The following RIT2 variants were observed in gnomAD, a reference collection of about 807,000 sequenced individuals.
RIT2 encodes the protein Ras like without CAAX 2, also known as GTP-binding protein Rit2.
A neutral mutation model predicts 23.7 loss-of-function variants in RIT2; 24 were observed. That is an observed-to-expected ratio of 1.01 (90% CI 0.73 to 1.43). RIT2 has a LOEUF of 1.43. Ranked by LOEUF, RIT2 falls within the 40% of genes most tolerant of loss-of-function variation. The pLI is 0.00. For missense variants in RIT2, 236 were observed against 266.9 expected (o/e 0.88, Z 0.81); for synonymous variants, 107 against 91.1 (o/e 1.17, Z -0.99).
At chr18:42,992,322 TAGA>T (rs1051327454) in intron 2 of RIT2, among the ~76,000 whole-genome samples, 6 of 152,182 alleles carry the variant, frequency 3.9e-5, no homozygotes, top group African/African-American at 1.2e-4. Flanking sequence ...TTTTCCATCC[TAGA>T]AGATCTAAAT....
intron 4 of RIT2, among the ~76,000 whole-genome samples, chr18:42,832,379 G>A (rs16977029): frequency 6.6e-6 from 1 of 152,054 alleles, no homozygotes; most frequent in Admixed American, 6.5e-5. Flanking sequence ...AACTTATATA[G>A]GCCAGTCACT....
chr18:42,822,008 G>T (rs1333818515), intron 4 of RIT2, among the ~76,000 whole-genome samples: 18 of 152,126 alleles, frequency 1.2e-4, no homozygotes, highest in Admixed American at 1.2e-3. Context: ...GAAAAGACCT[G>T]ATATAGGATC....
At chr18:43,111,654 T>C (rs1372693395) in intron 1 of RIT2, among the ~76,000 whole-genome samples, 7 of 152,194 alleles carry the variant, frequency 4.6e-5, no homozygotes, top group African/African-American at 7.2e-5. Context: ...TAAAATATTA[T>C]TACCTCTAGT....
intron 4 of RIT2, among the ~76,000 whole-genome samples, chr18:42,772,921 G>C (rs974258701): frequency 7.9e-5 from 12 of 152,198 alleles, no homozygotes; most frequent in African/African-American, 2.9e-4. Context: ...TGAGACCTTG[G>C]GAGAACCATG....
intron 4 of RIT2, among the ~76,000 whole-genome samples, chr18:42,834,670 A>T (rs2144014579): frequency 6.6e-6 from 1 of 152,320 alleles, no homozygotes; most frequent in African/African-American, 2.4e-5. Flanking sequence ...TAGTTAGGGA[A>T]ATGAATTAGA....
chr18:42,802,389 A>G (rs1905563820), intron 4 of RIT2, among the ~76,000 whole-genome samples: 1 of 152,204 alleles, frequency 6.6e-6, no homozygotes, highest in African/African-American at 2.4e-5. Flanking sequence ...TAAAAATAAG[A>G]AAGTCAGAAA....
At chr18:42,936,692 A>T (rs1909467818) in intron 3 of RIT2, among the ~76,000 whole-genome samples, 1 of 152,188 alleles carries the variant, frequency 6.6e-6, no homozygotes, top group Admixed American at 6.5e-5. Context: ...CCGCCTTCAT[A>T]TCACGGTGAG....
intron 4 of RIT2, among the ~76,000 whole-genome samples, chr18:42,908,626 A>G (rs529208808): frequency 6.6e-6 from 1 of 152,138 alleles, no homozygotes; most frequent in African/African-American, 2.4e-5. Flanking sequence ...AGAGGAAGTG[A>G]TATCAGTTTT....
chr18:42,756,329 C>T (rs985124065), intron 4 of RIT2, among the ~76,000 whole-genome samples: 2 of 151,990 alleles, frequency 1.3e-5, no homozygotes, highest in African/African-American at 4.8e-5. Context: ...ATGGTGTAGC[C>T]AGTCGTTCTG....
intron 4 of RIT2, among the ~76,000 whole-genome samples, chr18:42,879,122 A>G (rs1047519792): frequency 6.6e-6 from 1 of 152,120 alleles, no homozygotes; most frequent in African/African-American, 2.4e-5. Context: ...TCTACTAGAA[A>G]CTTCTGACTG....
At chr18:42,850,270 G>A (rs1268062683) in intron 4 of RIT2, among the ~76,000 whole-genome samples, 1 of 152,110 alleles carries the variant, frequency 6.6e-6, no homozygotes, top group African/African-American at 2.4e-5. Context: ...GTTAACAACT[G>A]GACAGAAAAT....
chr18:42,809,895 A>G (rs1356299647), intron 4 of RIT2, among the ~76,000 whole-genome samples: 2 of 143,422 alleles, frequency 1.4e-5, no homozygotes, highest in Non-Finnish European at 3.0e-5. Flanking sequence ...TATGTTATAT[A>G]TATTATATAT....
At chr18:42,890,347 C>A (rs943245058) in intron 4 of RIT2, among the ~76,000 whole-genome samples, 1 of 152,030 alleles carries the variant, frequency 6.6e-6, no homozygotes. Flanking sequence ...ATATACCCAA[C>A]AATGAGAATT....
rs1018514466 is a variant in RIT2, at chr18:42,754,978, T to A, written c.427-11258A>T. ...AGGATCTAAATCCTGGCTACACCAC[T>A]TTTTAGCCATGAATTCTCAGGGAGT... On this transcript the variant is annotated intron_variant, in intron 4 of 4. Transcript: ENST00000326695. 2.0e-5 allele frequency among the ~76,000 whole-genome samples: 3 copies of A among 152,296 alleles called. No individual in the cohort carries two copies. In the East Asian group the frequency reaches 5.8e-4, roughly 29 times the overall value.
chr18:42,928,547 G>A (rs1189334828), intron 3 of RIT2, among the ~76,000 whole-genome samples: 1 of 151,954 alleles, frequency 6.6e-6, no homozygotes, highest in African/African-American at 2.4e-5. Flanking sequence ...AGTTTTTGGA[G>A]GGTGGCATAG....
intron 4 of RIT2, among the ~76,000 whole-genome samples, chr18:42,779,719 C>G (rs919655638): frequency 2.0e-5 from 3 of 152,026 alleles, no homozygotes; most frequent in African/African-American, 7.2e-5. Context: ...CTGAAAAAGT[C>G]AAGAGAATAG....
chr18:42,934,098 AT>A (rs1185940632), intron 3 of RIT2, among the ~76,000 whole-genome samples: 1 of 151,384 alleles, frequency 6.6e-6, no homozygotes, highest in Non-Finnish European at 1.5e-5. Flanking sequence ...GTATGTCTTT[AT>A]TAGCAGCATG....
At position 42,997,591 on chromosome 18, in the gene RIT2, G is replaced by A. The variant is rs367581763; in HGVS notation, c.161-23444C>T. On this transcript the variant is annotated intron_variant, in intron 2 of 4. Transcript: ENST00000326695. ...AGACACAGCTAATGATGCTAATCTC[G>A]TATCCCATATGTGTTGTCACAGATT... Among the ~76,000 whole-genome samples, 48 of 151,850 alleles carry A rather than the reference G, an allele frequency of 3.2e-4. No individual in the cohort carries two copies. The South Asian group carries it at 4.8e-3, about 15-fold the overall frequency.
intron 1 of RIT2, among the ~76,000 whole-genome samples, chr18:43,107,544 G>A (rs148424173): frequency 2.6e-5 from 4 of 152,068 alleles, no homozygotes; most frequent in Non-Finnish European, 5.9e-5. Context: ...TTCAAAAATC[G>A]GTATGGTTTA....
Sources: allele counts gnomAD v4.1 joint callset (sites outside exome capture counted in the v4.1 genomes callset), GRCh38; gene constraint gnomAD v4.1.1; transcripts MANE v1.5; gene names NCBI Gene and HGNC (gene_info 2026-07-23, HGNC 2026-07-21).